Variants in NAALADL2 observed in about 807,000 individuals in gnomAD.
The protein encoded by NAALADL2 is N-acetylated alpha-linked acidic dipeptidase like 2.
A neutral mutation model predicts 87.2 loss-of-function variants in NAALADL2; 76 were observed. The observed-to-expected ratio is 0.87, with a 90% CI of 0.72 to 1.05. NAALADL2 has a LOEUF of 1.05. Among genes scored for constraint, NAALADL2 ranks in the 50% least tolerant of loss-of-function variants. The pLI, the probability that NAALADL2 is intolerant of heterozygous loss-of-function variation, is 0.00. For missense variants in NAALADL2, 1,089 were observed against 945.8 expected, an observed-to-expected ratio of 1.15 and a Z score of -1.99; for synonymous variants, 354 against 331.0, an observed-to-expected ratio of 1.07 and a Z score of -0.75.
At chr3:175,492,891 TA>T (rs1173041947) in intron 9 of NAALADL2, among the ~76,000 whole-genome samples, 4 of 152,128 alleles carry the variant, frequency 2.6e-5, no homozygotes, top group African/African-American at 9.7e-5. Flanking sequence ...TTTCTTCCAT[TA>T]AAAACATCTT....
At chr3:175,285,068 CA>C (rs2110104624) in intron 4 of NAALADL2, among the ~76,000 whole-genome samples, 1 of 152,100 alleles carries the variant, frequency 6.6e-6, no homozygotes, top group East Asian at 1.9e-4. Flanking sequence ...TTAAAGATGC[CA>C]AAACAGTCTC....
rs1724201507 is a variant in NAALADL2 at position 174,650,064 on chromosome 3, TAACAAATGTTTTACATTTGTTTA to T, written c.-114-87569_-114-87547del. Among the ~76,000 whole-genome samples, 4 of 152,154 alleles carry T rather than the reference TAACAAATGTTTTACATTTGTTTA, an allele frequency of 2.6e-5. No homozygotes were observed. The South Asian group carries it at 6.2e-4, about 24-fold the overall frequency. The stretch of plus-strand genomic sequence containing the variant: ...AATAATAAGATAATAATAGCTATGA[TAACAAATGTTTTACATTTGTTTA>T]AACAAATTTATTTTTTATTCATCAT... On this transcript the variant is annotated intron_variant, in intron 2 of 3. Coordinates refer to the NAALADL2 transcript ENST00000434257.
In NAALADL2 at chr3:174,985,881, G is replaced by A. The variant is rs1294594242; in HGVS notation, c.44-110909G>A. 2.0e-5 allele frequency among the ~76,000 whole-genome samples: 3 copies of A among 152,058 alleles called. No homozygotes were observed. The East Asian group carries it at 5.8e-4, about 29-fold the overall frequency. ...GCAGGAGAATTGCTTGAACCTGGGA[G>A]GCGGAGGTTGTGATGAGCTGAGATC... On this transcript the variant is annotated intron_variant, in intron 1 of 13. Coordinates refer to ENST00000454872, the MANE Select transcript of NAALADL2 (RefSeq NM_207015.3).
chr3:175,743,061 C>T (rs559104564), intron 12 of NAALADL2, among the ~76,000 whole-genome samples: 59 of 151,488 alleles, frequency 3.9e-4, no homozygotes, highest in Non-Finnish European at 6.5e-4. Context: ...AGTGGTGCTG[C>T]GCGATCTCCG....
intron 10 of NAALADL2, among the ~76,000 whole-genome samples, chr3:175,603,161 A>G (rs1469520130): frequency 1.3e-5 from 2 of 152,176 alleles, no homozygotes; most frequent in African/African-American, 2.4e-5. Flanking sequence ...TTGGCCTAAT[A>G]ATGTCCTTTA....
intron 2 of NAALADL2, among the ~76,000 whole-genome samples, chr3:174,709,606 C>A (rs1441563585): frequency 1.1e-4 from 16 of 152,102 alleles, no homozygotes; most frequent in Admixed American, 9.2e-4. Context: ...TTAGTTTCTA[C>A]AAATCATCTT....
At chr3:174,500,081 G>A (rs965949884) in intron 1 of NAALADL2, among the ~76,000 whole-genome samples, 1 of 151,204 alleles carries the variant, frequency 6.6e-6, no homozygotes, top group Non-Finnish European at 1.5e-5. Flanking sequence ...CTGTTTACAT[G>A]TATCTTTTTT....
intron 9 of NAALADL2, among the ~76,000 whole-genome samples, chr3:175,482,052 C>T (rs1315148980): frequency 1.7e-5 from 2 of 120,078 alleles, no homozygotes; most frequent in African/African-American, 2.6e-5. Flanking sequence ...GCGAAGCTTA[C>T]AGTACTATTG....
chr3:175,179,108 A>G (rs1315339477), intron 2 of NAALADL2, among the ~76,000 whole-genome samples: 1 of 152,012 alleles, frequency 6.6e-6, no homozygotes, highest in Non-Finnish European at 1.5e-5. Context: ...AGAGCTTTCT[A>G]TGATCCACGA....
intron 13 of NAALADL2, among the ~76,000 whole-genome samples, chr3:175,771,038 TAGAG>T (rs1317872350): frequency 1.3e-5 from 2 of 152,346 alleles, no homozygotes; most frequent in East Asian, 3.9e-4. Context: ...ATTTCAGACA[TAGAG>T]AGTTAAGAAT....
chr3:174,988,596 G>A (rs1300963216), intron 1 of NAALADL2, among the ~76,000 whole-genome samples: 1 of 152,082 alleles, frequency 6.6e-6, no homozygotes, highest in Non-Finnish European at 1.5e-5. Context: ...CAAGGTGTTG[G>A]CAGAGCCATA....
At chr3:174,526,925 T>C (rs896215320) in intron 1 of NAALADL2, among the ~76,000 whole-genome samples, 8 of 152,106 alleles carry the variant, frequency 5.3e-5, no homozygotes, top group Non-Finnish European at 8.8e-5. Flanking sequence ...GATCCATCTG[T>C]CTCGCCTCCT....
chr3:174,994,005 A>C (rs1482838545), intron 1 of NAALADL2, among the ~76,000 whole-genome samples: 2 of 152,164 alleles, frequency 1.3e-5, no homozygotes, highest in African/African-American at 2.4e-5. Context: ...CAATCATTTT[A>C]GATCAAGGGC....
At chr3:175,195,094 A>C (rs1738780732) in intron 2 of NAALADL2, among the ~76,000 whole-genome samples, 3 of 151,686 alleles carry the variant, frequency 2.0e-5, no homozygotes, top group Non-Finnish European at 4.4e-5. Flanking sequence ...TGACCAGGTT[A>C]ATTCCACATG....
chr3:175,151,954 T>A (rs1027041013), intron 2 of NAALADL2, among the ~76,000 whole-genome samples: 2 of 152,204 alleles, frequency 1.3e-5, no homozygotes, highest in African/African-American at 4.8e-5. Flanking sequence ...AAAATAAAAC[T>A]GTTAATGTCT....
intron 3 of NAALADL2, among the ~76,000 whole-genome samples, chr3:174,742,846 T>G (rs1295694786): frequency 6.6e-6 from 1 of 151,708 alleles, no homozygotes; most frequent in Admixed American, 6.6e-5. Flanking sequence ...AAAGCAAGAA[T>G]GTAAATACAA....
At chr3:174,750,699 G>A (rs1734740500) in intron 3 of NAALADL2, among the ~76,000 whole-genome samples, 1 of 152,080 alleles carries the variant, frequency 6.6e-6, no homozygotes, top group Non-Finnish European at 1.5e-5. Flanking sequence ...CTCCCAAAGT[G>A]CTGGAATTAC....
intron 13 of NAALADL2, among the ~76,000 whole-genome samples, chr3:175,783,680 T>C (rs1365709559): frequency 2.6e-5 from 4 of 151,778 alleles, no homozygotes; most frequent in Non-Finnish European, 4.4e-5. Context: ...TTTTCCTAAT[T>C]GAATACCCTT....
chr3:174,959,453 A>G (rs1741661770), intron 1 of NAALADL2, among the ~76,000 whole-genome samples: 1 of 151,964 alleles, frequency 6.6e-6, no homozygotes, highest in Non-Finnish European at 1.5e-5. Context: ...TGTTCTGAGG[A>G]GTTATATCAC....
Sources: allele counts gnomAD v4.1 joint callset (sites outside exome capture counted in the v4.1 genomes callset), GRCh38; gene constraint gnomAD v4.1.1; transcripts MANE v1.5; gene names NCBI Gene and HGNC (gene_info 2026-07-23, HGNC 2026-07-21).